The following ZFAND4 variants were observed in gnomAD, a reference collection of about 807,000 sequenced individuals.
ZFAND4 encodes AN1-type zinc finger protein 4.
In ZFAND4, 43 loss-of-function variants were observed where a neutral mutation model predicts 64.4. The observed-to-expected ratio is 0.67, with a 90% CI of 0.52 to 0.86. The LOEUF (loss-of-function observed/expected upper bound fraction) is 0.86, where lower values mean the gene tolerates loss of function less well. Ranked by LOEUF, ZFAND4 falls within the 40% of genes least tolerant of loss-of-function variation. The pLI, the probability that ZFAND4 is intolerant of heterozygous loss-of-function variation, is 0.00. For missense variants in ZFAND4, 929 were observed against 859.8 expected, an observed-to-expected ratio of 1.08 and a Z score of -1.01; for synonymous variants, 296 against 305.7, an observed-to-expected ratio of 0.97 and a Z score of 0.33.
rs1004551303 is a variant in ZFAND4, at chr10:45,626,311, A to C, written c.1512T>G (p.Pro504=). The C allele has an allele frequency of 7.4e-6, 12 of 1,614,068 alleles. No individual in the cohort carries two copies. The highest frequency in any genetic ancestry group is 1.0e-5 in the Non-Finnish European group (12 of 1,180,044). The change falls in exon 7 of 10, where the codon CCT becomes CCG. Residue 504 remains proline, a synonymous_variant. Coordinates refer to ENST00000344646, the MANE Select transcript of ZFAND4 (RefSeq NM_174890.4). The part of the protein sequence containing the change: ...SKCFEFGKLQ[P]SSSQSLDVQN... ...GAACATCCAGTGACTGAGAAGAAGA[A>C]GGCTGTAGCTTCCCAAACTCAAAAC...
chr10:45,628,903 A>AAAAAAAAAAAAAAAAAG (rs2046022005), intron 6 of ZFAND4, among the ~76,000 whole-genome samples: 1 of 150,564 alleles, frequency 6.6e-6, no homozygotes, highest in Admixed American at 6.6e-5. Flanking sequence ...CACCAAAAAA[A>AAAAAAAAAAAAAAAAAG]AAAAAAAAAA....
At chr10:45,627,730 A>G (rs1307462910) in intron 6 of ZFAND4, among the ~76,000 whole-genome samples, 4 of 152,212 alleles carry the variant, frequency 2.6e-5, no homozygotes, top group Admixed American at 1.3e-4. Context: ...GAGGGTGCCT[A>G]CAATGAAGAG....
intron 2 of ZFAND4, among the ~76,000 whole-genome samples, chr10:45,659,137 A>C (rs2048315870): frequency 6.6e-6 from 1 of 152,196 alleles, no homozygotes; most frequent in Admixed American, 6.5e-5. Context: ...TGAGGGCCAG[A>C]AACCAGGCCC....
intron 2 of ZFAND4, chr10:45,662,650 C>A: frequency 1.0e-6 from 1 of 985,386 alleles, no homozygotes; most frequent in Non-Finnish European, 1.2e-6. Flanking sequence ...CTGGACTCGG[C>A]CAGCCACTCA....
intron 6 of ZFAND4, among the ~76,000 whole-genome samples, chr10:45,635,225 C>CAAAAAAAAAAAAAAAAAAAAAAAA (rs1486980850): frequency 1.4e-5 from 1 of 70,638 alleles, no homozygotes; most frequent in Non-Finnish European, 2.9e-5. Context: ...AAAAAAAAAA[C>CAAAAAAAAAAAAAAAAAAAAAAAA]AAACAAAAAA....
chr10:45,661,635 G>C (rs545135612), intron 2 of ZFAND4, among the ~76,000 whole-genome samples: 4 of 152,240 alleles, frequency 2.6e-5, no homozygotes, highest in African/African-American at 7.2e-5. Flanking sequence ...AGATCACCCA[G>C]AAAGGGCTTA....
Position 45,626,942 on chromosome 10 carries a change from T to G in ZFAND4, c.881A>C (p.Asn294Thr). 1 of 1,614,212 alleles carries G rather than the reference T, an allele frequency of 6.2e-7. No homozygotes were observed. The highest frequency in any genetic ancestry group is 8.5e-7 in the Non-Finnish European group (1 of 1,180,024). ...TTGAGTTGCCAAACTTGAAATTCCA[T>G]TCCTGGAGATTTCGGGCGGATATGC... is the stretch of plus-strand genomic sequence containing the variant. ...GNAYPPEISR[N>T]GISSLATQLS... The change falls in exon 7 of 10, where the codon AAT (asparagine) becomes ACT (threonine). Residue 294 changes from asparagine (N) to threonine (T), a missense_variant. Transcript: ENST00000344646.
At chr10:45,661,124 G>T (rs565853340) in intron 2 of ZFAND4, among the ~76,000 whole-genome samples, 1 of 152,288 alleles carries the variant, frequency 6.6e-6, no homozygotes, top group African/African-American at 2.4e-5. Flanking sequence ...TTGGAAGGCT[G>T]AGGCAGGAGG....
At chr10:45,624,149 T>C (rs776434899) in intron 8 of ZFAND4, among the ~76,000 whole-genome samples, 5 of 152,232 alleles carry the variant, frequency 3.3e-5, no homozygotes, top group Admixed American at 6.5e-5. Flanking sequence ...CCCTACAGAC[T>C]GTCCCTTTCT....
At position 45,639,959 on chromosome 10, in the gene ZFAND4, C is replaced by G. The variant is rs199995795; in HGVS notation, c.574G>C (p.Gly192Arg). The change falls in exon 6 of 10, where the codon GGT (glycine) becomes CGT (arginine). Residue 192 changes from glycine to arginine, a missense_variant. Coordinates refer to ENST00000344646, the MANE Select transcript of ZFAND4 (RefSeq NM_174890.4). ...RRKGEHRMSGGSMYNSDTDED... is the reference protein window; with the variant it reads ...RRKGEHRMSGRSMYNSDTDED... ...TCTGTATCTGAATTATACATAGAAC[C>G]ACCACTGCAAAGAAAACAATAACTA... 473 of 1,603,820 alleles carry G rather than the reference C, an allele frequency of 2.9e-4. No individual in the cohort carries two copies. The highest frequency in any genetic ancestry group is 3.7e-4 in the Non-Finnish European group (434 of 1,177,574).
intron 5 of ZFAND4, 23 bp downstream of exon 5, chr10:45,648,271 G>A (rs555526778): frequency 6.4e-7 from 1 of 1,561,742 alleles, no homozygotes; most frequent in South Asian, 1.2e-5. Flanking sequence ...ACAACACAAG[G>A]TAAACAAAAG....
intron 2 of ZFAND4, among the ~76,000 whole-genome samples, chr10:45,663,230 A>G (rs984132841): frequency 1.3e-5 from 2 of 152,220 alleles, no homozygotes; most frequent in African/African-American, 4.8e-5. Context: ...TAACATTAAA[A>G]GTAACTATAA....
At chr10:45,646,131 T>C (rs2047363311) in intron 5 of ZFAND4, among the ~76,000 whole-genome samples, 1 of 152,206 alleles carries the variant, frequency 6.6e-6, no homozygotes. Flanking sequence ...TGAAAAAGAA[T>C]TCCATTCTTC....
chr10:45,625,330 C>T (rs536161339), intron 7 of ZFAND4, among the ~76,000 whole-genome samples: 15,488 of 149,890 alleles, frequency 0.1, 1,132 homozygotes, highest in Admixed American at 0.19. Context: ...AAAAATTAGC[C>T]AGGCGTGGTG....
intron 8 of ZFAND4, among the ~76,000 whole-genome samples, chr10:45,620,259 G>A (rs913738714): frequency 1.3e-5 from 2 of 152,082 alleles, no homozygotes; most frequent in African/African-American, 2.4e-5. Context: ...CAAGGTGGGC[G>A]AATCAACTGA....
intron 5 of ZFAND4, among the ~76,000 whole-genome samples, chr10:45,647,373 T>C (rs1007748404): frequency 1.3e-5 from 2 of 151,734 alleles, no homozygotes; most frequent in Non-Finnish European, 2.9e-5. Context: ...AGCACAGCAA[T>C]GCTGTGCCTG....
At chr10:45,654,967 A>C (rs2048008110) in intron 2 of ZFAND4, among the ~76,000 whole-genome samples, 1 of 152,204 alleles carries the variant, frequency 6.6e-6, no homozygotes, top group Non-Finnish European at 1.5e-5. Flanking sequence ...TCAACAAAGA[A>C]AAAATGGACT....
chr10:45,662,986 T>G (rs1463629651), intron 2 of ZFAND4, among the ~76,000 whole-genome samples: 4 of 152,182 alleles, frequency 2.6e-5, no homozygotes, highest in African/African-American at 4.8e-5. Flanking sequence ...TTAGTCTTTT[T>G]AGGCACTTTC....
At chr10:45,656,844 G>A (rs113893571) in intron 2 of ZFAND4, among the ~76,000 whole-genome samples, 3,098 of 152,042 alleles carry the variant, frequency 0.02, 111 homozygotes, top group African/African-American at 0.07. Context: ...TTTATCTACC[G>A]TGAGAGGATG....
Sources: allele counts gnomAD v4.1 joint callset (sites outside exome capture counted in the v4.1 genomes callset), GRCh38; gene constraint gnomAD v4.1.1; transcripts MANE v1.5; gene names NCBI Gene and HGNC (gene_info 2026-07-23, HGNC 2026-07-21).